The following PCSK5 variants were observed in gnomAD, a reference collection of about 807,000 sequenced individuals.
The protein encoded by PCSK5 is prohormone convertase 5.
A neutral mutation model predicts 233.2 loss-of-function variants in PCSK5; 129 were observed. The ratio of observed to expected loss-of-function variants is 0.55; its 90% CI spans 0.48 to 0.64. PCSK5 has a LOEUF of 0.64. Ranked by LOEUF, PCSK5 falls within the 30% of genes least tolerant of loss-of-function variation. PCSK5 has a pLI of 0.00. For synonymous variants in PCSK5, 825 were observed against 879.2 expected (o/e 0.94, Z 1.09); for missense variants, 2,076 against 2,430.1 (o/e 0.85, Z 3.06).
chr9:76,048,274 G>C (rs542221935), intron 5 of PCSK5, among the ~76,000 whole-genome samples: 1 of 152,152 alleles, frequency 6.6e-6, no homozygotes, highest in Non-Finnish European at 1.5e-5. Context: ...GAAAAGGAGA[G>C]GGGTGCTCGA....
intron 1 of PCSK5, among the ~76,000 whole-genome samples, chr9:75,892,042 A>G (rs1587317829): frequency 6.6e-6 from 1 of 152,124 alleles, no homozygotes; most frequent in East Asian, 1.9e-4. Flanking sequence ...AGGGAGTTGT[A>G]GTGGGGAGGT....
chr9:76,258,968 T>G (rs949448467), intron 24 of PCSK5, among the ~76,000 whole-genome samples: 6 of 152,100 alleles, frequency 3.9e-5, no homozygotes, highest in Non-Finnish European at 8.8e-5. Context: ...TGTGCATTAG[T>G]GGGATGGGCC....
intron 2 of PCSK5, among the ~76,000 whole-genome samples, chr9:75,954,425 C>T (rs1825005420): frequency 6.6e-6 from 1 of 152,116 alleles, no homozygotes; most frequent in African/African-American, 2.4e-5. Context: ...CCCCCTCCCG[C>T]TCCTAGTATT....
intron 2 of PCSK5, among the ~76,000 whole-genome samples, chr9:75,937,121 G>A (rs1312121950): frequency 6.6e-6 from 1 of 151,052 alleles, no homozygotes; most frequent in Non-Finnish European, 1.5e-5. Context: ...CAGATGTGCT[G>A]TCATCCAGGC....
At chr9:76,352,975 A>G (rs1830205797) in intron 36 of PCSK5, among the ~76,000 whole-genome samples, 2 of 152,042 alleles carry the variant, frequency 1.3e-5, no homozygotes, top group Admixed American at 6.6e-5. Context: ...CTTGAATCCG[A>G]TCACACCAGT....
chr9:76,001,645 A>C (rs1296978816), intron 3 of PCSK5, among the ~76,000 whole-genome samples: 1 of 152,150 alleles, frequency 6.6e-6, no homozygotes, highest in African/African-American at 2.4e-5. Context: ...TAAATATTCT[A>C]TCTTGAAGGG....
At chr9:75,971,786 T>C (rs1825824863) in intron 2 of PCSK5, among the ~76,000 whole-genome samples, 1 of 150,826 alleles carries the variant, frequency 6.6e-6, no homozygotes, top group African/African-American at 2.4e-5. Flanking sequence ...TTTTTTTTTT[T>C]CTTGTAAATT....
intron 35 of PCSK5, among the ~76,000 whole-genome samples, chr9:76,345,904 G>A (rs938484951): frequency 1.3e-5 from 2 of 151,868 alleles, no homozygotes; most frequent in Admixed American, 1.3e-4. Flanking sequence ...ATTTTTAGTA[G>A]AGACACGGTT....
At chr9:76,343,333 T>TG (rs1564191885) in intron 35 of PCSK5, among the ~76,000 whole-genome samples, 19,540 of 133,846 alleles carry the variant, frequency 0.15, 1,708 homozygotes, top group South Asian at 0.21. Context: ...CCTGGGTAAT[T>TG]TGTGTGTGTG....
intron 20 of PCSK5, among the ~76,000 whole-genome samples, chr9:76,203,037 C>G (rs1824977131): frequency 6.6e-6 from 1 of 152,190 alleles, no homozygotes; most frequent in Non-Finnish European, 1.5e-5. Flanking sequence ...ACTTGGACAA[C>G]TAAGTTCTAG....
intron 33 of PCSK5, among the ~76,000 whole-genome samples, chr9:76,329,984 G>A (rs111252001): frequency 3.3e-5 from 5 of 152,074 alleles, no homozygotes; most frequent in African/African-American, 9.7e-5. Context: ...CTGGAGGAAC[G>A]TGATCTCCAC....
intron 5 of PCSK5, among the ~76,000 whole-genome samples, chr9:76,052,506 T>A (rs1261635209): frequency 6.6e-6 from 1 of 152,106 alleles, no homozygotes; most frequent in African/African-American, 2.4e-5. Context: ...ATGAGACTTA[T>A]TCACTATCAT....
At chr9:76,076,958 C>T (rs1429170911) in intron 7 of PCSK5, among the ~76,000 whole-genome samples, 2 of 152,124 alleles carry the variant, frequency 1.3e-5, no homozygotes, top group African/African-American at 4.8e-5. Context: ...GTTTATTATA[C>T]TATAGTCATC....
chr9:76,251,978 A>G (rs1312281739), intron 24 of PCSK5, among the ~76,000 whole-genome samples: 1 of 152,070 alleles, frequency 6.6e-6, no homozygotes, highest in Non-Finnish European at 1.5e-5. Flanking sequence ...TTATAAAAAG[A>G]TAAAAGAGGC....
At chr9:76,100,330 T>G (rs1436706119) in intron 8 of PCSK5, among the ~76,000 whole-genome samples, 1 of 152,284 alleles carries the variant, frequency 6.6e-6, no homozygotes, top group Admixed American at 6.5e-5. Context: ...GTCTCACATG[T>G]AATACATTTA....
At chr9:76,324,762 G>T (rs1456739330) in intron 32 of PCSK5, among the ~76,000 whole-genome samples, 1 of 152,198 alleles carries the variant, frequency 6.6e-6, no homozygotes, top group Admixed American at 6.5e-5. Context: ...TCTAGCAAGT[G>T]AGAGAAATGT....
At chr9:76,285,645 A>AC (rs775663931) in intron 24 of PCSK5, among the ~76,000 whole-genome samples, 25 of 151,802 alleles carry the variant, frequency 1.6e-4, no homozygotes, top group Admixed American at 1.1e-3. Context: ...CCCTAAAATT[A>AC]CCCCCCCACC....
At chr9:76,217,527 CAG>C (rs986700488) in intron 20 of PCSK5, among the ~76,000 whole-genome samples, 1 of 152,188 alleles carries the variant, frequency 6.6e-6, no homozygotes, top group African/African-American at 2.4e-5. Context: ...GACTGAGGCT[CAG>C]AGAGGTTATG....
chr9:76,013,513 G>A (rs1827819946), intron 3 of PCSK5, among the ~76,000 whole-genome samples: 1 of 152,210 alleles, frequency 6.6e-6, no homozygotes, highest in Admixed American at 6.5e-5. Flanking sequence ...GGAAAGAGAT[G>A]TAGCCTTCAG....
Sources: gnomAD v4.1 joint callset for allele counts (sites outside exome capture counted in the v4.1 genomes callset) on GRCh38, gnomAD v4.1.1 for gene constraint, MANE v1.5 for transcripts, NCBI Gene and HGNC (gene_info 2026-07-23, HGNC 2026-07-21) for gene names.